Variants in CPT1A observed in about 807,000 individuals in gnomAD.
The protein encoded by CPT1A is carnitine palmitoyltransferase 1A.
Under a neutral mutation model 100.8 loss-of-function variants are expected in CPT1A, and 64 were observed. The ratio of observed to expected loss-of-function variants is 0.63; its 90% CI spans 0.52 to 0.78. The LOEUF (loss-of-function observed/expected upper bound fraction) is 0.78, where lower values mean the gene tolerates loss of function less well. Among genes scored for constraint, CPT1A ranks in the 30% least tolerant of loss-of-function variants. CPT1A has a pLI of 0.00. For synonymous variants in CPT1A, 363 were observed against 396.0 expected, an observed-to-expected ratio of 0.92 and a Z score of 0.99; for missense variants, 802 against 1,034.1, an observed-to-expected ratio of 0.78 and a Z score of 3.08.
In CPT1A at chr11:68,761,653, G is replaced by A. The variant is rs150459546; in HGVS notation, c.1910C>T (p.Ser637Phe). The change falls in exon 16 of 19, where the codon TCT becomes TTT. Residue 637 changes from serine to phenylalanine, a missense_variant. Transcript: ENST00000265641. ...GCGATACATATGCTGATGCTTCTCA[G>A]ACGCCAACTTGAACAACTTCAGCCT... The part of the protein sequence containing the change: ...EQRLKLFKLA[S>F]EKHQHMYRLA... The A allele has an allele frequency of 6.8e-5, 110 of 1,614,170 alleles. No homozygotes were observed. In the East Asian group the frequency reaches 2.4e-3, roughly 35 times the overall value.
chr11:68,779,488 T>C (rs1855238261), intron 12 of CPT1A, among the ~76,000 whole-genome samples: 1 of 94,942 alleles, frequency 1.1e-5, no homozygotes, highest in Non-Finnish European at 2.2e-5. Context: ...AGTAACGAAT[T>C]ATTAAAAAAA....
chr11:68,779,364 G>A (rs931720020), intron 12 of CPT1A, among the ~76,000 whole-genome samples: 14 of 151,962 alleles, frequency 9.2e-5, no homozygotes, highest in Admixed American at 2.0e-4. Flanking sequence ...TCAAGTCTAC[G>A]GATGATGATC....
At chr11:68,824,874 C>T (rs1012517607) in intron 1 of CPT1A, among the ~76,000 whole-genome samples, 3 of 145,884 alleles carry the variant, frequency 2.1e-5, no homozygotes, top group Non-Finnish European at 3.0e-5. Flanking sequence ...TCTAGGCTCA[C>T]GTTAACCTTT....
At chr11:68,801,746 A>C (rs971624360) in intron 5 of CPT1A, among the ~76,000 whole-genome samples, 1 of 147,500 alleles carries the variant, frequency 6.8e-6, no homozygotes, top group Non-Finnish European at 1.5e-5. Flanking sequence ...TTATAGTTTT[A>C]AAATTGGAGT....
chr11:68,821,192 G>A (rs185499194), intron 1 of CPT1A, among the ~76,000 whole-genome samples: 1 of 152,088 alleles, frequency 6.6e-6, no homozygotes, highest in African/African-American at 2.4e-5. Flanking sequence ...TGCTCTTGTT[G>A]CCCAGGTTGG....
intron 1 of CPT1A, among the ~76,000 whole-genome samples, chr11:68,832,373 C>T (rs1452999688): frequency 1.3e-5 from 2 of 152,326 alleles, no homozygotes; most frequent in East Asian, 3.9e-4. Flanking sequence ...TTTCTTGAAC[C>T]TGGCAGGTGG....
Position 68,791,803 on chromosome 11 carries a change from C to T in CPT1A, c.967+1512G>A, listed in dbSNP as rs146739409. On this transcript the variant is annotated intron_variant, in intron 9 of 18. Transcript: ENST00000265641. ...CTGCCCACTTCGGCCTCCCAAAATG[C>T]TGGGATTACAGGCGTGAGCCACCGC... Among the ~76,000 whole-genome samples, 1,251 of 152,148 alleles carry T rather than the reference C, an allele frequency of 8.2e-3. 20 individuals carry two copies. The highest frequency in any genetic ancestry group is 0.029 in the African/African-American group (1,193 of 41,502).
rs1039639381 is a variant in CPT1A at position 68,775,582 on chromosome 11, G to C, written c.1459-150C>G. ...TTCCAGTATGCTCAGCACCTAATGA[G>C]GTGGATCTGATCTCCATGTCAGATG... is the stretch of plus-strand genomic sequence containing the variant. On this transcript the variant is annotated intron_variant, in intron 12 of 18. Coordinates refer to ENST00000265641, the MANE Select transcript of CPT1A (RefSeq NM_001876.4). 4 of 668,600 alleles carry C rather than the reference G, an allele frequency of 6.0e-6. No individual in the cohort carries two copies. The African/African-American group carries it at 7.1e-5, about 12-fold the overall frequency. 41.4% of individuals were successfully genotyped at this position (668,600 alleles called of 1,614,324 possible).
At chr11:68,782,629 G>A (rs1855344636) in intron 10 of CPT1A, among the ~76,000 whole-genome samples, 1 of 152,158 alleles carries the variant, frequency 6.6e-6, no homozygotes, top group Non-Finnish European at 1.5e-5. Context: ...AGACCCACCA[G>A]CTGGGCTTCC....
intron 4 of CPT1A, among the ~76,000 whole-genome samples, chr11:68,807,103 CG>C (rs1177005599): frequency 2.0e-5 from 3 of 152,090 alleles, no homozygotes; most frequent in Non-Finnish European, 4.4e-5. Context: ...GTCTGAGTCA[CG>C]GGAGCCTGTC....
chr11:68,785,020 C>T lies in CPT1A; in HGVS notation c.968-10G>A, dbSNP rs373767416. On this transcript the variant is annotated splice_polypyrimidine_tract_variant and intron_variant, in intron 9 of 18. Transcript: ENST00000265641. ...ATGTGCTGGATGGTGTCTGAGCCGG[C>T]CGCAGGTTGGAGACACAAAACCAAG... The T allele has an allele frequency of 6.2e-7, 1 of 1,612,846 alleles. No homozygotes were observed. The highest frequency in any genetic ancestry group is 8.5e-7 in the Non-Finnish European group (1 of 1,179,948).
intron 14 of CPT1A, 108 bp from the exon 15 acceptor site, chr11:68,762,869 AT>A: frequency 5.6e-6 from 8 of 1,436,056 alleles, no homozygotes; most frequent in South Asian, 1.2e-5. Context: ...CATTGTCAAC[AT>A]TTTTTTGAGA....
chr11:68,787,482 C>G (rs190814346), intron 9 of CPT1A, among the ~76,000 whole-genome samples: 1 of 151,212 alleles, frequency 6.6e-6, no homozygotes, highest in African/African-American at 2.4e-5. Flanking sequence ...TTTATAAAAA[C>G]CTTTCATGTT....
chr11:68,781,922 G>T lies in CPT1A; in HGVS notation c.1201C>A (p.Arg401Ser). ...WARCRQAYFG[R>S]GKNKQSLDAV... is the part of the protein sequence containing the mutation. ...TCAAGAGACTGCTTATTTTTCCCACGTCCAAAATAGGCCTGACGACACCTG... is the reference window on the plus strand; with the variant it reads ...TCAAGAGACTGCTTATTTTTCCCACTTCCAAAATAGGCCTGACGACACCTG... The change falls in exon 11 of 19, where the codon CGT becomes AGT. Residue 401 changes from arginine to serine, a missense_variant. By Grantham distance (110) the Arg-to-Ser change is moderately radical. Coordinates refer to ENST00000265641, the MANE Select transcript of CPT1A (RefSeq NM_001876.4). 6.2e-7 allele frequency: 1 copy of T among 1,614,110 alleles called. No individual in the cohort carries two copies.
chr11:68,761,238 G>A (rs1319333930), intron 16 of CPT1A, among the ~76,000 whole-genome samples: 1 of 148,956 alleles, frequency 6.7e-6, no homozygotes, highest in Non-Finnish European at 1.5e-5. Context: ...TTAAAACAAA[G>A]GTGGTACGCG....
intron 5 of CPT1A, among the ~76,000 whole-genome samples, chr11:68,803,269 AAT>A (rs1273229084): frequency 6.6e-6 from 1 of 152,276 alleles, no homozygotes; most frequent in African/African-American, 2.4e-5. Context: ...CAAAAGGACA[AAT>A]ATGATATGAT....
chr11:68,832,488 A>G (rs1856903536), intron 1 of CPT1A, among the ~76,000 whole-genome samples: 1 of 152,182 alleles, frequency 6.6e-6, no homozygotes, highest in Non-Finnish European at 1.5e-5. Context: ...ACAAAAACCC[A>G]GGTCCAACTC....
At chr11:68,802,896 CAAAAAA>C (rs901808584) in intron 5 of CPT1A, among the ~76,000 whole-genome samples, 2 of 44,974 alleles carry the variant, frequency 4.4e-5, no homozygotes, top group Admixed American at 2.6e-4. Context: ...GACCCTGTCT[CAAAAAA>C]AAAAAAAAAA....
At chr11:68,771,507 C>G (rs1854989283) in intron 14 of CPT1A, among the ~76,000 whole-genome samples, 2 of 152,164 alleles carry the variant, frequency 1.3e-5, no homozygotes, top group Non-Finnish European at 2.9e-5. Context: ...TCCATGTCAC[C>G]TTTTAATCAC....
Sources: gnomAD v4.1 joint callset for allele counts (sites outside exome capture counted in the v4.1 genomes callset) on GRCh38, gnomAD v4.1.1 for gene constraint, MANE v1.5 for transcripts, NCBI Gene and HGNC (gene_info 2026-07-23, HGNC 2026-07-21) for gene names.